Variants in LDLRAD4 observed in about 807,000 individuals in gnomAD.
LDLRAD4 encodes the protein low density lipoprotein receptor class A domain containing 4.
A neutral mutation model predicts 17.0 loss-of-function variants in LDLRAD4; 5 were observed. The observed-to-expected ratio is 0.29, with a 90% confidence interval of 0.15 to 0.62. The LOEUF (loss-of-function observed/expected upper bound fraction) is 0.62, where lower values mean the gene tolerates loss of function less well. LDLRAD4 is among the 20% of genes least tolerant of loss of function. The pLI, the probability that LDLRAD4 is intolerant of heterozygous loss-of-function variation, is 0.84. For synonymous variants in LDLRAD4, 168 were observed against 171.8 expected, an observed-to-expected ratio of 0.98 and a Z score of 0.17; for missense variants, 340 against 424.7, an observed-to-expected ratio of 0.80 and a Z score of 1.75.
At chr18:13,271,339 G>A (rs1018793508) in intron 1 of LDLRAD4, among the ~76,000 whole-genome samples, 6 of 152,182 alleles carry the variant, frequency 3.9e-5, no homozygotes, top group African/African-American at 1.2e-4. Context: ...GCATCGTGAC[G>A]TTAGGCGTTC....
At chr18:13,250,090 T>C (rs906334376) in intron 1 of LDLRAD4, among the ~76,000 whole-genome samples, 2 of 152,190 alleles carry the variant, frequency 1.3e-5, no homozygotes, top group Non-Finnish European at 2.9e-5. Context: ...CCTTAATGAG[T>C]GTTCTTGGCC....
intron 4 of LDLRAD4, among the ~76,000 whole-genome samples, chr18:13,640,675 G>C (rs528391654): frequency 3.9e-5 from 6 of 152,356 alleles, no homozygotes; most frequent in Admixed American, 2.0e-4. Context: ...GGCTTGGCCC[G>C]GGCAGCAAGG....
chr18:13,363,505 G>C (rs1377127834), intron 1 of LDLRAD4, among the ~76,000 whole-genome samples: 3 of 152,154 alleles, frequency 2.0e-5, no homozygotes, highest in Non-Finnish European at 4.4e-5. Context: ...GTGCCAAAAA[G>C]AGCTTTGTCT....
intron 3 of LDLRAD4, among the ~76,000 whole-genome samples, chr18:13,467,908 A>G (rs1479603187): frequency 6.6e-6 from 1 of 152,352 alleles, no homozygotes; most frequent in East Asian, 1.9e-4. Context: ...CTTTTCAACA[A>G]ATGATGCTGG....
chr18:13,365,467 G>T (rs1467256045), intron 1 of LDLRAD4, among the ~76,000 whole-genome samples: 2 of 152,162 alleles, frequency 1.3e-5, no homozygotes, highest in Non-Finnish European at 2.9e-5. Context: ...GGTGAAATCC[G>T]TTATAAAGAA....
intron 1 of LDLRAD4, among the ~76,000 whole-genome samples, chr18:13,292,544 C>T (rs777182659): frequency 2.0e-5 from 3 of 152,150 alleles, no homozygotes; most frequent in Non-Finnish European, 4.4e-5. Flanking sequence ...GAGAGGATGC[C>T]ATTGGGGTGG....
intron 2 of LDLRAD4, among the ~76,000 whole-genome samples, chr18:13,409,942 G>A (rs8091915): frequency 0.47 from 72,099 of 151,998 alleles, 18,291 homozygotes; most frequent in Non-Finnish European, 0.56. Context: ...AACACTGAGT[G>A]CTCAAGGTCA....
intron 4 of LDLRAD4, among the ~76,000 whole-genome samples, chr18:13,639,736 G>A (rs1214450013): frequency 5.3e-5 from 8 of 152,090 alleles, no homozygotes; most frequent in Admixed American, 5.2e-4. Context: ...TGAAAGGCCT[G>A]GGAAAAAAAG....
At chr18:13,445,816 G>A (rs1047740224) in intron 3 of LDLRAD4, among the ~76,000 whole-genome samples, 32 of 151,650 alleles carry the variant, frequency 2.1e-4, no homozygotes, top group East Asian at 5.8e-4. Flanking sequence ...GCATGAGTGT[G>A]TGTGTCTGTG....
At chr18:13,406,069 C>G (rs2087717228) in intron 2 of LDLRAD4, among the ~76,000 whole-genome samples, 1 of 152,250 alleles carries the variant, frequency 6.6e-6, no homozygotes, top group Non-Finnish European at 1.5e-5. Context: ...ACTTTTGCAG[C>G]ATATTTTACT....
chr18:13,513,723 C>T (rs1162961110), intron 3 of LDLRAD4, among the ~76,000 whole-genome samples: 2 of 152,130 alleles, frequency 1.3e-5, no homozygotes, highest in East Asian at 1.9e-4. Flanking sequence ...TTCATGAGAG[C>T]GTGTTAGAGG....
chr18:13,358,263 T>G (rs2083458957), intron 1 of LDLRAD4, among the ~76,000 whole-genome samples: 1 of 152,090 alleles, frequency 6.6e-6, no homozygotes, highest in Non-Finnish European at 1.5e-5. Flanking sequence ...TATGTGTGTG[T>G]GTATTTATAT....
chr18:13,239,186 C>CAAA (rs35736846), intron 1 of LDLRAD4, among the ~76,000 whole-genome samples: 39,041 of 120,642 alleles, frequency 0.32, 6,144 homozygotes, highest in Non-Finnish European at 0.35. Flanking sequence ...GACTCTGTCT[C>CAAA]AAAAAAAAAA....
chr18:13,258,073 C>T (rs1171209973), intron 1 of LDLRAD4, among the ~76,000 whole-genome samples: 2 of 152,152 alleles, frequency 1.3e-5, no homozygotes. Context: ...AAGAAAAAAG[C>T]ATACAATGGC....
chr18:13,249,417 T>C (rs2043123431), intron 1 of LDLRAD4, among the ~76,000 whole-genome samples: 1 of 152,224 alleles, frequency 6.6e-6, no homozygotes, highest in Non-Finnish European at 1.5e-5. Flanking sequence ...TTATTTCTTG[T>C]CTTTTTGATA....
At chr18:13,341,159 G>T (rs148648828) in intron 1 of LDLRAD4, among the ~76,000 whole-genome samples, 8 of 151,812 alleles carry the variant, frequency 5.3e-5, no homozygotes, top group African/African-American at 1.9e-4. Flanking sequence ...ATCAGGAATC[G>T]TGAGTCCTCC....
intron 1 of LDLRAD4, among the ~76,000 whole-genome samples, chr18:13,297,030 C>T (rs563542230): frequency 1.3e-5 from 2 of 151,142 alleles, no homozygotes; most frequent in South Asian, 2.1e-4. Context: ...AGCGGGTTCT[C>T]GTGGGTTTGC....
intron 3 of LDLRAD4, chr18:13,521,144 A>G (rs1014136852): frequency 6.6e-6 from 1 of 152,152 alleles, no homozygotes; most frequent in Non-Finnish European, 1.5e-5. Context: ...TGCAGAACAC[A>G]TATGTCCCAT....
chr18:13,254,547 T>C (rs1174190896), intron 1 of LDLRAD4, among the ~76,000 whole-genome samples: 1 of 152,238 alleles, frequency 6.6e-6, no homozygotes. Context: ...TCCATGCTTC[T>C]GCCAGGAAGT....
Sources: gnomAD v4.1 joint callset for allele counts (sites outside exome capture counted in the v4.1 genomes callset) on GRCh38, gnomAD v4.1.1 for gene constraint, MANE v1.5 for transcripts, NCBI Gene and HGNC (gene_info 2026-07-23, HGNC 2026-07-21) for gene names.